The following XIRP2 variants were observed in gnomAD, a reference collection of about 807,000 sequenced individuals.
XIRP2 encodes the protein xin actin-binding repeat-containing protein 2.
Under a neutral mutation model 277.0 loss-of-function variants are expected in XIRP2, and 236 were observed. That is an observed-to-expected ratio of 0.85 (90% CI 0.77 to 0.95). The LOEUF (loss-of-function observed/expected upper bound fraction) is 0.95, where lower values mean the gene tolerates loss of function less well. Among genes scored for constraint, XIRP2 ranks in the 40% least tolerant of loss-of-function variants. The pLI is 0.00. For synonymous variants in XIRP2, 1,490 were observed against 1,416.5 expected (o/e 1.05, Z -1.17); for missense variants, 4,640 against 4,157.5 (o/e 1.12, Z -3.19).
chr2:166,914,142 G>A (rs1684793974), intron 2 of XIRP2, among the ~76,000 whole-genome samples: 1 of 152,168 alleles, frequency 6.6e-6, no homozygotes, highest in Admixed American at 6.5e-5. Context: ...GAGAGTCGGA[G>A]GAGTTATGAT....
At chr2:167,040,377 A>C (rs1468756694) in intron 2 of XIRP2, among the ~76,000 whole-genome samples, 2 of 151,970 alleles carry the variant, frequency 1.3e-5, no homozygotes, top group Non-Finnish European at 2.9e-5. Context: ...GAGCACAAGG[A>C]CTCATTCCTT....
chr2:167,085,929 T>A (rs1240912947), intron 2 of XIRP2, among the ~76,000 whole-genome samples: 4 of 152,194 alleles, frequency 2.6e-5, no homozygotes, highest in African/African-American at 9.7e-5. Context: ...ATTGGAACAT[T>A]TAGCCCATTT....
chr2:167,029,753 A>G (rs1004373320), intron 2 of XIRP2, among the ~76,000 whole-genome samples: 3 of 151,792 alleles, frequency 2.0e-5, no homozygotes, highest in Non-Finnish European at 2.9e-5. Flanking sequence ...CTCTTTTTCT[A>G]TTGTTTGGAA....
At chr2:167,033,384 C>A (rs901339286) in intron 2 of XIRP2, among the ~76,000 whole-genome samples, 2 of 152,180 alleles carry the variant, frequency 1.3e-5, no homozygotes, top group South Asian at 2.1e-4. Flanking sequence ...CACGTGTATA[C>A]CTGTGAAATA....
At chr2:167,228,749 T>C (rs1333820533) in intron 5 of XIRP2, among the ~76,000 whole-genome samples, 1 of 152,172 alleles carries the variant, frequency 6.6e-6, no homozygotes, top group Non-Finnish European at 1.5e-5. Flanking sequence ...GTTTCTTTTC[T>C]TTCTACGATT....
intron 2 of XIRP2, among the ~76,000 whole-genome samples, chr2:167,020,514 C>T (rs1363228939): frequency 2.0e-5 from 3 of 151,884 alleles, no homozygotes; most frequent in Admixed American, 6.6e-5. Flanking sequence ...GTATATATGT[C>T]TCAATATCAA....
In XIRP2 at chr2:166,925,557, GTGTGTGTGTGTATGTA is replaced by G. The variant is rs1205220394; in HGVS notation, c.408+21683_408+21698del. Among the ~76,000 whole-genome samples, 79 of 143,184 alleles carry G rather than the reference GTGTGTGTGTGTATGTA, an allele frequency of 5.5e-4. 1 individual carries two copies. Among genetic ancestry groups the G allele is most frequent in the African/African-American group, 1.9e-3 (74 of 39,036 alleles). 93.9% of individuals were successfully genotyped at this position (143,184 alleles called of 152,430 possible). On this transcript the variant is annotated intron_variant, in intron 2 of 10. Coordinates refer to ENST00000409195, the MANE Select transcript of XIRP2 (RefSeq NM_152381.6). ...TCCAATGTTCATTCTGAAAATATTT[GTGTGTGTGTGTATGTA>G]TGTGTGTGTGTATGTGTATATACAT... is the stretch of plus-strand genomic sequence containing the variant.
At chr2:166,911,416 A>T (rs1684695793) in intron 2 of XIRP2, among the ~76,000 whole-genome samples, 1 of 152,138 alleles carries the variant, frequency 6.6e-6, no homozygotes, top group African/African-American at 2.4e-5. Flanking sequence ...GTTTTATCAG[A>T]GACTAGGATT....
chr2:167,157,134 A>G (rs1305881254), intron 3 of XIRP2, among the ~76,000 whole-genome samples: 1 of 151,448 alleles, frequency 6.6e-6, no homozygotes, highest in African/African-American at 2.4e-5. Context: ...TCATGGGAAC[A>G]GGCATTGTCA....
chr2:167,152,285 G>C (rs1344757888), intron 3 of XIRP2, among the ~76,000 whole-genome samples: 3 of 152,056 alleles, frequency 2.0e-5, no homozygotes, highest in Non-Finnish European at 4.4e-5. Context: ...ATCCTTTGGA[G>C]TCTCCAAAGA....
Position 167,244,205 on chromosome 2 carries a change from A to G in XIRP2, c.2813A>G (p.Glu938Gly), listed in dbSNP as rs1242787889. 6.2e-7 allele frequency: 1 copy of G among 1,613,448 alleles called. No individual in the cohort carries two copies. Among genetic ancestry groups the G allele is most frequent in the Non-Finnish European group, 8.5e-7 (1 of 1,179,832 alleles). Residue 938 changes from glutamate to glycine, a missense_variant, in exon 9 of 11, where the codon GAA (glutamate) becomes GGA (glycine). Glu to Gly is a moderately conservative substitution (Grantham distance 98). Transcript: ENST00000409195. ...KKEYTRTVKL[E>G]EVDRGDVKNY... ...GAGTACACACGAACAGTGAAACTTG[A>G]AGAAGTTGACAGAGGAGATGTGAAG...
intron 2 of XIRP2, among the ~76,000 whole-genome samples, chr2:167,087,201 C>T (rs1358243712): frequency 1.3e-5 from 2 of 152,048 alleles, no homozygotes; most frequent in African/African-American, 4.8e-5. Context: ...AATACCCTGC[C>T]GTGTGAGGTG....
At chr2:167,114,700 G>T (rs931035030) in intron 2 of XIRP2, among the ~76,000 whole-genome samples, 2 of 151,716 alleles carry the variant, frequency 1.3e-5, no homozygotes, top group Non-Finnish European at 2.9e-5. Context: ...GCGGTGTTTG[G>T]TTTTTTGTCC....
intron 2 of XIRP2, among the ~76,000 whole-genome samples, chr2:167,025,323 T>G (rs1001488218): frequency 1.3e-5 from 2 of 152,060 alleles, no homozygotes; most frequent in African/African-American, 4.8e-5. Context: ...TTTTTTATTG[T>G]GTCTATTTGA....
At chr2:167,074,771 C>G (rs941894043) in intron 2 of XIRP2, among the ~76,000 whole-genome samples, 9 of 152,064 alleles carry the variant, frequency 5.9e-5, no homozygotes, top group African/African-American at 2.2e-4. Context: ...TCCCAAGTAG[C>G]TGGGACTACA....
At chr2:166,961,885 C>T (rs950018159) in intron 2 of XIRP2, among the ~76,000 whole-genome samples, 6 of 151,606 alleles carry the variant, frequency 4.0e-5, no homozygotes, top group Non-Finnish European at 5.9e-5. Flanking sequence ...TAATAAGCTA[C>T]TTTGAAAATA....
At chr2:167,166,819 C>A (rs1405525964) in intron 3 of XIRP2, among the ~76,000 whole-genome samples, 1 of 152,122 alleles carries the variant, frequency 6.6e-6, no homozygotes, top group Non-Finnish European at 1.5e-5. Context: ...GGGATTACAT[C>A]TCAACATGAG....
chr2:167,034,208 C>T (rs371016474), intron 2 of XIRP2, among the ~76,000 whole-genome samples: 4 of 152,054 alleles, frequency 2.6e-5, no homozygotes, highest in African/African-American at 9.6e-5. Flanking sequence ...TTTTTGCAAT[C>T]AGTGTTGTCA....
chr2:167,211,022 G>T, intron 4 of XIRP2, 127 bp downstream of exon 4: 1 of 1,169,696 alleles, frequency 8.5e-7, no homozygotes, highest in Non-Finnish European at 1.2e-6. Flanking sequence ...CAAAAATAGT[G>T]TGTGAAATAA....
Sources: gnomAD v4.1 joint callset for allele counts (sites outside exome capture counted in the v4.1 genomes callset) on GRCh38, gnomAD v4.1.1 for gene constraint, MANE v1.5 for transcripts, NCBI Gene and HGNC (gene_info 2026-07-23, HGNC 2026-07-21) for gene names.